The following EPB41L3 variants were observed in gnomAD, a reference collection of about 807,000 sequenced individuals.
The protein encoded by EPB41L3 is band 4.1-like protein 3.
In EPB41L3, 57 loss-of-function variants were observed where a neutral mutation model predicts 127.1. The observed-to-expected ratio is 0.45, with a 90% CI of 0.36 to 0.56. EPB41L3 has a LOEUF of 0.56. Ranked by LOEUF, EPB41L3 falls within the 20% of genes least tolerant of loss-of-function variation. The pLI is 0.00. For missense variants in EPB41L3, 1,273 were observed against 1,372.2 expected (o/e 0.93, Z 1.14); for synonymous variants, 572 against 549.5 (o/e 1.04, Z -0.57).
At chr18:5,474,566 T>C (rs73937139) in intron 3 of EPB41L3, among the ~76,000 whole-genome samples, 7,062 of 152,226 alleles carry the variant, frequency 0.046, 420 homozygotes, top group African/African-American at 0.13. Flanking sequence ...TGATTTTAAG[T>C]TGACGTGATG....
In EPB41L3 at chr18:5,543,686, G is replaced by A. The variant is rs1365454849; in HGVS notation, c.-12+227C>T. On this transcript the variant is annotated intron_variant, in intron 1 of 22. Transcript: ENST00000341928. The surrounding 1 kb of genome is among the most constrained non-coding windows in gnomAD (Gnocchi z 5.2). ...GCGGCGGGCGGAGCGGGCGGGGGGC[G>A]CGGCGCGCAGGCTCGGCCCGGTGGG... Among the ~76,000 whole-genome samples the A allele has an allele frequency of 6.9e-6, 1 of 144,794 alleles. No homozygotes were observed. The highest frequency in any genetic ancestry group is 1.5e-5 in the Non-Finnish European group (1 of 65,386). 95.0% of individuals were successfully genotyped at this position (144,794 alleles called of 152,430 possible).
rs530259145 is a variant in EPB41L3 at position 5,605,699 on chromosome 18, C to T, written c.-306+6641G>A. ...TCGGCCTTCCAAAGTGCTAGGATTA[C>T]AAGGTGTGAGACACTAGGTCCAACC... On this transcript the variant is annotated intron_variant, in intron 3 of 21. Coordinates refer to the EPB41L3 transcript ENST00000545076. 1.7e-3 allele frequency among the ~76,000 whole-genome samples: 252 copies of T among 152,220 alleles called. 4 individuals carry two copies. Among genetic ancestry groups the T allele is most frequent in the Admixed American group, 5.2e-3 (80 of 15,284 alleles).
intron 3 of EPB41L3, among the ~76,000 whole-genome samples, chr18:5,464,773 CAG>C (rs1175769838): frequency 3.3e-5 from 5 of 152,174 alleles, no homozygotes; most frequent in African/African-American, 1.2e-4. Context: ...ATGCACCACT[CAG>C]AGTTACTAAG....
chr18:5,538,290 A>G (rs1309720409), intron 1 of EPB41L3, among the ~76,000 whole-genome samples: 1 of 152,244 alleles, frequency 6.6e-6, no homozygotes, highest in East Asian at 1.9e-4. Flanking sequence ...CACGAGCACT[A>G]GAAATGTATC....
chr18:5,515,091 G>A (rs1297672679), intron 1 of EPB41L3, among the ~76,000 whole-genome samples: 1 of 152,138 alleles, frequency 6.6e-6, no homozygotes, highest in Non-Finnish European at 1.5e-5. Context: ...TGCTGGAGAG[G>A]ACATTTTATT....
At chr18:5,487,715 A>C (rs891643927) in intron 2 of EPB41L3, among the ~76,000 whole-genome samples, 21 of 151,694 alleles carry the variant, frequency 1.4e-4, no homozygotes, top group African/African-American at 4.8e-4. Context: ...CCGCCCTCCT[A>C]AGCCTCCCAA....
chr18:5,434,045 G>A lies in EPB41L3; in HGVS notation c.682C>T (p.Leu228=), dbSNP rs748660574. The A allele has an allele frequency of 1.9e-6, 3 of 1,614,024 alleles. No homozygotes were observed. The highest frequency in any genetic ancestry group is 2.7e-5 in the African/African-American group (2 of 74,908). The stretch of plus-strand genomic sequence containing the variant: ...TCTGACTGGACAGTGTAGGAGCCCA[G>A]CAAGGCCAGGGTAACAAAGGAGCAG... ...LPCSFVTLAL[L]GSYTVQSELG... is the part of the protein sequence containing the mutation. Residue 228 remains leucine, a synonymous_variant, in exon 7 of 23, where the codon CTG becomes TTG. Coordinates refer to ENST00000341928, the MANE Select transcript of EPB41L3 (RefSeq NM_012307.5).
intron 1 of EPB41L3, among the ~76,000 whole-genome samples, chr18:5,618,268 C>T (rs2094820848): frequency 6.6e-6 from 1 of 152,192 alleles, no homozygotes; most frequent in Non-Finnish European, 1.5e-5. Context: ...AGAAGCATTC[C>T]TATGCTCTTA....
rs144512118 is a variant in EPB41L3, at chr18:5,541,167, T to G, written c.-12+2746A>C. Among the ~76,000 whole-genome samples, 415 of 136,112 alleles carry G rather than the reference T, an allele frequency of 3.0e-3. 20 individuals carry two copies. The East Asian group carries it at 0.079, about 26-fold the overall frequency. The allele number at this position is 136,112 out of a possible 152,430, so 89.3% of individuals were successfully genotyped here. ...ACTCGGGAGGTTGAGGCAAAAGAAT[T>G]GCTTGAACCCAGGAGTCGGAGGTTG... On this transcript the variant is annotated intron_variant, in intron 1 of 22. Coordinates refer to ENST00000341928, the MANE Select transcript of EPB41L3 (RefSeq NM_012307.5).
rs536500537 is a variant in EPB41L3, at chr18:5,509,015, G to C, written c.-11-19821C>G. On this transcript the variant is annotated intron_variant, in intron 1 of 22. Transcript: ENST00000341928. ...TACAAGACCAACGCAGCAGAGGCCA[G>C]CTTCAGAGGCCAGTAGGGAAAACAC... 5.9e-5 allele frequency among the ~76,000 whole-genome samples: 9 copies of C among 152,290 alleles called. No individual in the cohort carries two copies. In the South Asian group the frequency reaches 1.9e-3, roughly 32 times the overall value.
intron 16 of EPB41L3, chr18:5,401,077 G>A: frequency 3.6e-6 from 5 of 1,406,506 alleles, no homozygotes; most frequent in Non-Finnish European, 4.8e-6. Flanking sequence ...TTGGAGAAGA[G>A]GAAGTAGACA....
chr18:5,559,444 G>A (rs1206639813), intron 3 of EPB41L3, among the ~76,000 whole-genome samples: 1 of 152,128 alleles, frequency 6.6e-6, no homozygotes, highest in African/African-American at 2.4e-5. Flanking sequence ...ACTAGAGATA[G>A]GATGCTAAAG....
At chr18:5,479,665 A>AAC (rs2088012188) in intron 2 of EPB41L3, 2 of 152,194 alleles carry the variant, frequency 1.3e-5, no homozygotes, top group African/African-American at 4.8e-5. Context: ...TAAGAATTGA[A>AAC]AGAGACCAAT....
chr18:5,561,255 G>A (rs958625708), intron 3 of EPB41L3, among the ~76,000 whole-genome samples: 3 of 152,230 alleles, frequency 2.0e-5, no homozygotes, highest in East Asian at 3.9e-4. Context: ...GGGATTATAG[G>A]CGTGAGCCAC....
chr18:5,543,823 C>T lies in EPB41L3; in HGVS notation c.-12+90G>A. 1 of 946,546 alleles carries T rather than the reference C, an allele frequency of 1.1e-6. No homozygotes were observed. The highest frequency in any genetic ancestry group is 4.9e-5 in the South Asian group (1 of 20,538). 58.6% of individuals were successfully genotyped at this position (946,546 alleles called of 1,614,324 possible). On this transcript the variant is annotated intron_variant, in intron 1 of 22. Coordinates refer to ENST00000341928, the MANE Select transcript of EPB41L3 (RefSeq NM_012307.5). This position sits in a 1 kb window ranked among gnomAD's most constrained non-coding sequence, Gnocchi z 5.2. Reference sequence around the variant, plus strand: ...CACGCGTCAGCCCCACTGTCCCGCGCGCCTCGCCCCAGGCCTCGGGCTCTT... The same window carrying T: ...CACGCGTCAGCCCCACTGTCCCGCGTGCCTCGCCCCAGGCCTCGGGCTCTT...
At chr18:5,398,813 T>C in intron 16 of EPB41L3, 2 of 399,354 alleles carry the variant, frequency 5.0e-6, no homozygotes, top group Non-Finnish European at 8.8e-6. Context: ...TGCTGAAGCG[T>C]CTGCCTTCCA....
At chr18:5,527,770 CCGAGGG>C (rs1335866402) in intron 1 of EPB41L3, among the ~76,000 whole-genome samples, 2 of 152,170 alleles carry the variant, frequency 1.3e-5, no homozygotes, top group African/African-American at 4.8e-5. Flanking sequence ...ATGTTCCAGG[CCGAGGG>C]CTCGGCAAGT....
At chr18:5,568,742 A>G (rs1049399492) in intron 3 of EPB41L3, among the ~76,000 whole-genome samples, 2 of 152,198 alleles carry the variant, frequency 1.3e-5, no homozygotes, top group African/African-American at 4.8e-5. Flanking sequence ...TTTTGTTCCT[A>G]AGGCCCATAG....
chr18:5,482,642 A>G (rs1395951300), intron 2 of EPB41L3, among the ~76,000 whole-genome samples: 2 of 152,192 alleles, frequency 1.3e-5, no homozygotes, highest in Non-Finnish European at 2.9e-5. Flanking sequence ...GGAGCTCCAA[A>G]TTGCCTGGTA....
Sources: gnomAD v4.1 joint callset for allele counts (sites outside exome capture counted in the v4.1 genomes callset) on GRCh38, gnomAD v4.1.1 for gene constraint, Gnocchi (gnomAD v3.1) non-coding constraint, MANE v1.5 for transcripts, NCBI Gene and HGNC (gene_info 2026-07-23, HGNC 2026-07-21) for gene names.